PLEKHG7: variants seen among roughly 807,000 people sequenced by gnomAD.
PLEKHG7 encodes the protein pleckstrin homology and RhoGEF domain containing G7, also known as pleckstrin homology domain-containing family G member 7.
In PLEKHG7, 77 loss-of-function variants were observed where a neutral mutation model predicts 85.2. That is an observed-to-expected ratio of 0.90 (90% confidence interval 0.75 to 1.09). PLEKHG7 has a LOEUF of 1.09. Ranked by LOEUF, PLEKHG7 falls within the 50% of genes least tolerant of loss-of-function variation. PLEKHG7 has a pLI of 0.00. For missense variants in PLEKHG7, 777 were observed against 804.3 expected (o/e 0.97, Z 0.41); for synonymous variants, 301 against 302.4 (o/e 1.00, Z 0.05).
At chr12:92,717,150 A>G (rs1227733435) in intron 3 of PLEKHG7, among the ~76,000 whole-genome samples, 1 of 152,242 alleles carries the variant, frequency 6.6e-6, no homozygotes, top group African/African-American at 2.4e-5. Flanking sequence ...AGAGAAACGT[A>G]CATGCTACAT....
intron 15 of PLEKHG7, among the ~76,000 whole-genome samples, chr12:92,766,186 G>A (rs1873191564): frequency 6.6e-6 from 1 of 152,222 alleles, no homozygotes; most frequent in African/African-American, 2.4e-5. Flanking sequence ...GTGGCGGCTG[G>A]AAATCACTTC....
intron 3 of PLEKHG7, among the ~76,000 whole-genome samples, chr12:92,713,867 A>C (rs993218670): frequency 7.9e-5 from 12 of 151,772 alleles, no homozygotes; most frequent in African/African-American, 2.9e-4. Flanking sequence ...CCCTTTTTTA[A>C]CTCCCCAAGC....
At chr12:92,723,337 T>C (rs551069648) in intron 3 of PLEKHG7, among the ~76,000 whole-genome samples, 134 of 152,312 alleles carry the variant, frequency 8.8e-4, no homozygotes, top group African/African-American at 2.8e-3. Context: ...AAATATGACA[T>C]GAATCTACAA....
intron 15 of PLEKHG7, among the ~76,000 whole-genome samples, chr12:92,767,282 G>A (rs1873230132): frequency 6.6e-6 from 1 of 152,162 alleles, no homozygotes; most frequent in South Asian, 2.1e-4. Flanking sequence ...TATTTTACAG[G>A]CCTAGCTTAG....
chr12:92,768,673 A>G (rs895965781), intron 15 of PLEKHG7, among the ~76,000 whole-genome samples: 1 of 152,154 alleles, frequency 6.6e-6, no homozygotes, highest in Non-Finnish European at 1.5e-5. Context: ...AATCTACCGC[A>G]TATGTTTAGC....
At chr12:92,756,180 T>G (rs897264506) in intron 12 of PLEKHG7, 118 bp from the exon 13 acceptor site, 2 of 778,608 alleles carry the variant, frequency 2.6e-6, no homozygotes, top group African/African-American at 3.5e-5. Flanking sequence ...CATGTCCATC[T>G]GCTGGCATTT....
At chr12:92,720,825 C>T (rs1240925166) in intron 3 of PLEKHG7, among the ~76,000 whole-genome samples, 4 of 152,098 alleles carry the variant, frequency 2.6e-5, no homozygotes, top group African/African-American at 9.7e-5. Flanking sequence ...CCATTATACC[C>T]CATTCTTTTT....
intron 5 of PLEKHG7, among the ~76,000 whole-genome samples, chr12:92,736,047 G>A (rs1237443592): frequency 6.6e-6 from 1 of 152,042 alleles, no homozygotes; most frequent in African/African-American, 2.4e-5. Flanking sequence ...TGAACACTGG[G>A]CTTTATTTTG....
At chr12:92,756,641 A>G (rs1872842476) in intron 13 of PLEKHG7, among the ~76,000 whole-genome samples, 1 of 152,206 alleles carries the variant, frequency 6.6e-6, no homozygotes, top group African/African-American at 2.4e-5. Flanking sequence ...GATTGTTAAA[A>G]CAACATACAA....
In PLEKHG7 at chr12:92,747,895, A is replaced by AG. The variant is rs534978759; in HGVS notation, c.1251+2308dup. ...ATGATGGTTACCAGAGGCTGGGAAG[A>AG]GGGGAGAAGGGGATGAAGAGAGGTC... On this transcript the variant is annotated intron_variant, in intron 10 of 16. Coordinates refer to ENST00000344636, the MANE Select transcript of PLEKHG7 (RefSeq NM_001377329.1). Among the ~76,000 whole-genome samples, 1,384 of 152,288 alleles carry AG rather than the reference A, an allele frequency of 9.1e-3. 20 individuals are homozygous for AG. The highest frequency in any genetic ancestry group is 0.031 in the African/African-American group (1,303 of 41,550).
Position 92,771,048 on chromosome 12 carries a change from AT to A in PLEKHG7, c.*856del, listed in dbSNP as rs1394941357. On this transcript the variant is annotated 3_prime_UTR_variant, in exon 17 of 17. Transcript: ENST00000344636. ...TAGCACAGTACAGTCACTTAATTTT[AT>A]TTGGCAGGACTTCAAATTTCTTCAG... The A allele has an allele frequency of 6.6e-6, 1 of 150,974 alleles. No individual in the cohort carries two copies. Among genetic ancestry groups the A allele is most frequent in the African/African-American group, 2.4e-5 (1 of 41,080 alleles). 9.4% of individuals were successfully genotyped at this position (150,974 alleles called of 1,614,324 possible). A position where few individuals can be genotyped will look rare whatever the true frequency, so the allele number is the denominator to read the frequency against.
chr12:92,707,554 A>G, intron 2 of PLEKHG7, 96 bp from the exon 3 acceptor site: 1 of 1,543,158 alleles, frequency 6.5e-7, no homozygotes, highest in Non-Finnish European at 8.8e-7. Context: ...TGTTTTAACT[A>G]GGAGGGCTCA....
chr12:92,768,617 AT>A (rs1315032348), intron 15 of PLEKHG7, among the ~76,000 whole-genome samples: 1 of 152,150 alleles, frequency 6.6e-6, no homozygotes, highest in Non-Finnish European at 1.5e-5. Flanking sequence ...AGAAAATATT[AT>A]ATTGTTTTGT....
intron 11 of PLEKHG7, 142 bp from the exon 12 acceptor site, chr12:92,755,683 G>T: frequency 1.5e-6 from 1 of 649,076 alleles, no homozygotes; most frequent in Non-Finnish European, 2.8e-6. Context: ...TGAACAGCAA[G>T]CAATATGTGA....
intron 10 of PLEKHG7, among the ~76,000 whole-genome samples, chr12:92,746,773 T>C (rs1424098923): frequency 6.6e-6 from 1 of 152,190 alleles, no homozygotes; most frequent in African/African-American, 2.4e-5. Flanking sequence ...AAAACATACA[T>C]TGGAGAAACA....
chr12:92,705,145 A>G (rs1429394682), intron 1 of PLEKHG7, among the ~76,000 whole-genome samples: 1 of 152,240 alleles, frequency 6.6e-6, no homozygotes, highest in Admixed American at 6.5e-5. Context: ...AGGAATAAAA[A>G]TTAGGGAGTA....
In PLEKHG7 at chr12:92,771,643, A is replaced by G. The variant is rs890112147; in HGVS notation, c.*1448A>G. 1 of 152,044 alleles carries G rather than the reference A, an allele frequency of 6.6e-6. No homozygotes were observed. Among genetic ancestry groups the G allele is most frequent in the Non-Finnish European group, 1.5e-5 (1 of 67,908 alleles). The allele number at this position is 152,044 out of a possible 1,614,324, so 9.4% of individuals were successfully genotyped here. A position where few individuals can be genotyped will look rare whatever the true frequency, so the allele number is the denominator to read the frequency against. ...AAAGCAGTTATGTCCAGGAGAATAC[A>G]ATATAGATTATGCAAGAGAAGATTT... is the stretch of plus-strand genomic sequence containing the variant. On this transcript the variant is annotated 3_prime_UTR_variant, in exon 17 of 17. Coordinates refer to ENST00000344636, the MANE Select transcript of PLEKHG7 (RefSeq NM_001377329.1).
At chr12:92,703,763 C>T (rs1335407195) in intron 1 of PLEKHG7, among the ~76,000 whole-genome samples, 2 of 152,232 alleles carry the variant, frequency 1.3e-5, no homozygotes, top group Non-Finnish European at 2.9e-5. Flanking sequence ...TTACTATTGC[C>T]TTGGTTCCAA....
Position 92,770,213 on chromosome 12 carries a change from C to T in PLEKHG7, c.*18C>T. 6.7e-7 allele frequency: 1 copy of T among 1,502,132 alleles called. No individual in the cohort carries two copies. The highest frequency in any genetic ancestry group is 1.8e-5 in the Admixed American group (1 of 55,690). The allele number at this position is 1,502,132 out of a possible 1,614,324, so 93.1% of individuals were successfully genotyped here. A position where few individuals can be genotyped will look rare whatever the true frequency, so the allele number is the denominator to read the frequency against. ...AAATTTAGGGACCTAAAACAAGTGGCATGTCTTTTTAGAAGATTATGGTTT... is the reference window on the plus strand; with the variant it reads ...AAATTTAGGGACCTAAAACAAGTGGTATGTCTTTTTAGAAGATTATGGTTT... On this transcript the variant is annotated 3_prime_UTR_variant, in exon 17 of 17. Transcript: ENST00000344636.
Sources: gnomAD v4.1 joint callset for allele counts (sites outside exome capture counted in the v4.1 genomes callset) on GRCh38, gnomAD v4.1.1 for gene constraint, MANE v1.5 for transcripts, NCBI Gene and HGNC (gene_info 2026-07-23, HGNC 2026-07-21) for gene names.